LRMDA: variants seen among roughly 807,000 people sequenced by gnomAD.
The protein encoded by LRMDA is leucine rich melanocyte differentiation associated, also known as leucine-rich melanocyte differentiation-associated protein.
LRMDA carries 18 observed loss-of-function variants against 29.8 expected under a neutral mutation model. That is an observed-to-expected ratio of 0.60 (90% CI 0.42 to 0.90). The LOEUF (loss-of-function observed/expected upper bound fraction) is 0.90, where lower values mean the gene tolerates loss of function less well. LRMDA is among the 40% of genes least tolerant of loss of function. The pLI is 0.00. For synonymous variants in LRMDA, 125 were observed against 109.4 expected, an observed-to-expected ratio of 1.14 and a Z score of -0.89; for missense variants, 273 against 273.9, an observed-to-expected ratio of 1.00 and a Z score of 0.02.
chr10:75,593,575 T>G (rs1343915743), intron 2 of LRMDA, among the ~76,000 whole-genome samples: 2 of 152,264 alleles, frequency 1.3e-5, no homozygotes, highest in Non-Finnish European at 2.9e-5. Context: ...AATGGATAGT[T>G]TCAGTTGTTG....
chr10:75,726,156 A>G (rs1055635750), intron 2 of LRMDA, among the ~76,000 whole-genome samples: 9 of 152,252 alleles, frequency 5.9e-5, no homozygotes, highest in Admixed American at 2.6e-4. Flanking sequence ...GAAGGCATGG[A>G]TGAAAGCAGG....
intron 5 of LRMDA, among the ~76,000 whole-genome samples, chr10:76,260,373 T>C (rs1839920567): frequency 6.6e-6 from 1 of 152,224 alleles, no homozygotes; most frequent in South Asian, 2.1e-4. Context: ...AAGGCCAATC[T>C]AGTGGTGATG....
At chr10:76,409,362 T>C (rs953709869) in intron 6 of LRMDA, among the ~76,000 whole-genome samples, 1 of 152,216 alleles carries the variant, frequency 6.6e-6, no homozygotes, top group Non-Finnish European at 1.5e-5. Flanking sequence ...CTCAAGGTCA[T>C]TGCCAAGGTC....
At chr10:76,346,102 A>G (rs1474179034) in intron 6 of LRMDA, among the ~76,000 whole-genome samples, 1 of 152,246 alleles carries the variant, frequency 6.6e-6, no homozygotes, top group African/African-American at 2.4e-5. Context: ...AAGTATACAC[A>G]CATGCAGACA....
At chr10:75,540,990 AG>A (rs1405188265) in intron 2 of LRMDA, among the ~76,000 whole-genome samples, 21 of 152,254 alleles carry the variant, frequency 1.4e-4, no homozygotes, top group African/African-American at 3.6e-4. Flanking sequence ...TTTTTTAAAA[AG>A]GAAAAAAACA....
intron 2 of LRMDA, among the ~76,000 whole-genome samples, chr10:75,604,139 C>G (rs1589200305): frequency 6.6e-6 from 1 of 151,920 alleles, no homozygotes; most frequent in African/African-American, 2.4e-5. Context: ...ATCAGTTAAC[C>G]ATTCTTTTTT....
At chr10:75,980,858 G>A (rs116678148) in intron 2 of LRMDA, among the ~76,000 whole-genome samples, 166 of 152,268 alleles carry the variant, frequency 1.1e-3, no homozygotes, top group African/African-American at 3.8e-3. Context: ...AGGAAGAAAT[G>A]TTGCTTAGCA....
At chr10:76,531,077 T>C (rs893756609) in intron 6 of LRMDA, among the ~76,000 whole-genome samples, 5 of 152,024 alleles carry the variant, frequency 3.3e-5, no homozygotes, top group Non-Finnish European at 5.9e-5. Context: ...CTGTTACTGT[T>C]AGAAAGAAAA....
chr10:76,558,241 A>AGAT lies in LRMDA; in HGVS notation c.*954_*956dup, dbSNP rs1843581989. The AGAT allele has an allele frequency of 6.6e-6, 1 of 152,340 alleles. No individual in the cohort carries two copies. The highest frequency in any genetic ancestry group is 2.4e-5 in the African/African-American group (1 of 41,564). 9.4% of individuals were successfully genotyped at this position (152,340 alleles called of 1,614,324 possible). A position where few individuals can be genotyped will look rare whatever the true frequency, so the allele number is the denominator to read the frequency against. ...TATTTAAAGGGAGTGAGGTGATGAA[A>AGAT]GATAGAGTGAAGGGTCAGGAGGTTA... On this transcript the variant is annotated 3_prime_UTR_variant, in exon 7 of 7. Coordinates refer to ENST00000611255, the MANE Select transcript of LRMDA (RefSeq NM_001305581.2).
intron 2 of LRMDA, among the ~76,000 whole-genome samples, chr10:75,516,697 T>G (rs111819849): frequency 1.3e-5 from 2 of 152,258 alleles, no homozygotes; most frequent in South Asian, 2.1e-4. Flanking sequence ...AGAAGCTCTT[T>G]AGTTTAATTA....
chr10:76,061,822 C>T (rs1041931527), intron 5 of LRMDA, among the ~76,000 whole-genome samples: 10 of 152,162 alleles, frequency 6.6e-5, no homozygotes, highest in Admixed American at 3.3e-4. Context: ...GGTTTCATAT[C>T]GAACTGGATG....
chr10:75,832,503 G>T (rs940799399), intron 2 of LRMDA, among the ~76,000 whole-genome samples: 1 of 152,114 alleles, frequency 6.6e-6, no homozygotes, highest in Non-Finnish European at 1.5e-5. Context: ...ATATTTTCCT[G>T]TCTTCTTCTG....
chr10:75,672,395 A>G (rs891549050), intron 2 of LRMDA, among the ~76,000 whole-genome samples: 2 of 151,838 alleles, frequency 1.3e-5, no homozygotes, highest in African/African-American at 2.4e-5. Context: ...TGTGTCTGCA[A>G]GGCTGCTTTG....
chr10:75,476,241 TG>T (rs1191654771), intron 2 of LRMDA, among the ~76,000 whole-genome samples: 1 of 152,166 alleles, frequency 6.6e-6, no homozygotes, highest in Non-Finnish European at 1.5e-5. Flanking sequence ...AAAAAATCAT[TG>T]CTTGTGAACT....
intron 6 of LRMDA, among the ~76,000 whole-genome samples, chr10:76,405,340 G>A (rs1589168707): frequency 6.6e-6 from 1 of 152,266 alleles, no homozygotes. Flanking sequence ...TGTACCTGAG[G>A]CCAGCTTTCG....
At chr10:75,885,105 T>A (rs1307544570) in intron 2 of LRMDA, among the ~76,000 whole-genome samples, 1 of 151,972 alleles carries the variant, frequency 6.6e-6, no homozygotes, top group Non-Finnish European at 1.5e-5. Flanking sequence ...ATGACAGTAG[T>A]TCGGGAGGCC....
intron 2 of LRMDA, among the ~76,000 whole-genome samples, chr10:75,444,066 G>A (rs903510321): frequency 6.6e-6 from 1 of 152,022 alleles, no homozygotes; most frequent in Non-Finnish European, 1.5e-5. Flanking sequence ...ATTCTACTAT[G>A]GCCACCTGTT....
chr10:75,467,268 C>T (rs960074129), intron 2 of LRMDA, among the ~76,000 whole-genome samples: 3 of 152,300 alleles, frequency 2.0e-5, no homozygotes, highest in African/African-American at 7.2e-5. Flanking sequence ...TGAGCCATGG[C>T]AGGGAAGGGT....
chr10:76,295,958 A>T (rs1345179768), intron 5 of LRMDA, among the ~76,000 whole-genome samples: 2 of 152,164 alleles, frequency 1.3e-5, no homozygotes, highest in Non-Finnish European at 2.9e-5. Flanking sequence ...AATTGTTTTC[A>T]CATTTTCCTG....
Sources: allele counts gnomAD v4.1 joint callset (sites outside exome capture counted in the v4.1 genomes callset), GRCh38; gene constraint gnomAD v4.1.1; transcripts MANE v1.5; gene names NCBI Gene and HGNC (gene_info 2026-07-23, HGNC 2026-07-21).